Variants in PRPF40B observed in about 807,000 individuals in gnomAD.
The protein encoded by PRPF40B is pre-mRNA-processing factor 40 homolog B.
PRPF40B carries 56 observed loss-of-function variants against 124.5 expected under a neutral mutation model. The observed-to-expected ratio is 0.45, with a 90% CI of 0.36 to 0.56. PRPF40B has a LOEUF of 0.56. PRPF40B is among the 20% of genes least tolerant of loss of function. The probability of loss-of-function intolerance (pLI) is 0.00; values close to 1 mark genes in which losing one functional copy is unlikely to be tolerated. For synonymous variants in PRPF40B, 443 were observed against 426.4 expected (o/e 1.04, Z -0.48); for missense variants, 1,053 against 1,169.5 (o/e 0.90, Z 1.45).
intron 15 of PRPF40B, among the ~76,000 whole-genome samples, 158 bp downstream of exon 15, chr12:49,636,151 G>A (rs752289309): frequency 7.2e-5 from 11 of 152,074 alleles, no homozygotes; most frequent in Non-Finnish European, 1.2e-4. Flanking sequence ...TTTGGACTCC[G>A]GGGATACCAG....
chr12:49,633,834 G>A, intron 9 of PRPF40B, 52 bp from the exon 10 acceptor site: 1 of 1,610,126 alleles, frequency 6.2e-7, no homozygotes, highest in South Asian at 1.1e-5. Context: ...AGCCCCTGAA[G>A]TCCTCCATTC....
intron 18 of PRPF40B, chr12:49,638,149 C>A: frequency 3.7e-6 from 1 of 267,600 alleles, no homozygotes; most frequent in South Asian, 5.9e-5. Flanking sequence ...ACACGGGGTA[C>A]TAAGAGCAAA....
intron 12 of PRPF40B, 112 bp downstream of exon 12, chr12:49,634,714 T>G: frequency 2.2e-6 from 3 of 1,368,238 alleles, no homozygotes; most frequent in Non-Finnish European, 3.0e-6. Context: ...GTCAGGACAG[T>G]GATAGATTGG....
rs1941259304 is a variant in PRPF40B at position 49,631,890 on chromosome 12, G to A, written c.259G>A (p.Gly87Arg). 1 of 1,614,196 alleles carries A rather than the reference G, an allele frequency of 6.2e-7. No homozygotes were observed. Among genetic ancestry groups the A allele is most frequent in the Non-Finnish European group, 8.5e-7 (1 of 1,180,020 alleles). Residue 87 changes from glycine (G) to arginine (R), a missense_variant, in exon 4 of 26, where the codon GGA becomes AGA. Transcript: ENST00000548825. This position sits in a 1 kb window ranked among gnomAD's most constrained non-coding sequence, Gnocchi z 4.3. The stretch of plus-strand genomic sequence containing the variant: ...AGGAATGGTACCTCCGATGATGCCA[G>A]GAATGCTGATGCCAGCGGTGCCTGT... The part of the protein sequence containing the change: ...IPGMVPPMMP[G>R]MLMPAVPVTA...
intron 10 of PRPF40B, 41 bp downstream of exon 10, chr12:49,634,133 G>T: frequency 6.3e-7 from 1 of 1,599,278 alleles, no homozygotes. Context: ...GTTGGCCTCA[G>T]ACTCCCAGCC....
Position 49,635,558 on chromosome 12 carries a change from C to A in PRPF40B, c.1275+85C>A. The stretch of plus-strand genomic sequence containing the variant: ...CTTTGTTATGGACCCTCGCCATTTA[C>A]TTCTCTACTTCCCCAGTGTCCCAGC... On this transcript the variant is annotated intron_variant, in intron 14 of 25. Transcript: ENST00000548825. The surrounding 1 kb of genome is among the most constrained non-coding windows in gnomAD (Gnocchi z 4.1). 7.8e-7 allele frequency: 1 copy of A among 1,282,282 alleles called. No homozygotes were observed. Among genetic ancestry groups the A allele is most frequent in the Non-Finnish European group, 1.1e-6 (1 of 919,262 alleles). The allele number at this position is 1,282,282 out of a possible 1,614,324, so 79.4% of individuals were successfully genotyped here.
intron 23 of PRPF40B, 117 bp from the exon 24 acceptor site, chr12:49,643,574 T>TA (rs1190559825): frequency 2.9e-6 from 4 of 1,379,424 alleles, no homozygotes; most frequent in African/African-American, 1.5e-5. Context: ...AAACTGGACT[T>TA]AGACTTCCTC....
chr12:49,627,981 C>T (rs1436738601), intron 1 of PRPF40B, among the ~76,000 whole-genome samples: 1 of 152,150 alleles, frequency 6.6e-6, no homozygotes, highest in African/African-American at 2.4e-5. Flanking sequence ...GTGCCAGTCT[C>T]TGAGACGCTT....
chr12:49,643,240 A>G lies in PRPF40B; in HGVS notation c.2223A>G (p.Glu741=), dbSNP rs142161604. Residue 741 remains glutamate (E), a synonymous_variant, in exon 23 of 26, where the codon GAA becomes GAG. Transcript: ENST00000548825. ...CTGCCCAGGGCTCTGAGTCAGAAGA[A>G]GAGGAGCTGCCCCCACCATCTCTCC... ...SHSPSGSESE[E]EELPPPSLRP... 4.6e-5 allele frequency: 74 copies of G among 1,614,004 alleles called. No individual in the cohort carries two copies. The highest frequency in any genetic ancestry group is 5.9e-5 in the Non-Finnish European group (70 of 1,180,030).
rs1218275293 is a variant in PRPF40B at position 49,635,368 on chromosome 12, G to A, written c.1170G>A (p.Arg390=). 1.2e-6 allele frequency: 2 copies of A among 1,613,464 alleles called. No homozygotes were observed. The highest frequency in any genetic ancestry group is 1.3e-5 in the African/African-American group (1 of 74,996). Residue 390 remains arginine, a synonymous_variant, in exon 14 of 26, where the codon CGG becomes CGA. Coordinates refer to ENST00000548825, the MANE Select transcript of PRPF40B (RefSeq NM_001031698.3). This position sits in a 1 kb window ranked among gnomAD's most constrained non-coding sequence, Gnocchi z 4.1. ...TCACAGCTTATATGCTCCACAGGCG[G>A]GCAGAACAGACCTTTGGGGAGCTGG... The part of the protein sequence containing the change: ...ERMTSTTRYR[R]AEQTFGELEV...
Position 49,634,029 on chromosome 12 carries a change from T to G in PRPF40B, c.749T>G (p.Val250Gly), listed in dbSNP as rs773190145. The G allele has an allele frequency of 1.9e-6, 3 of 1,613,850 alleles. No homozygotes were observed. The highest frequency in any genetic ancestry group is 2.5e-6 in the Non-Finnish European group (3 of 1,179,930). The change falls in exon 10 of 26, where the codon GTG becomes GGG. Residue 250 changes from valine (V) to glycine (G), a missense_variant. Around this residue, in one of 2 missense-constraint regions of PRPF40B, gnomAD observed 895 missense variants for 1,052.2 expected, o/e 0.85. Transcript: ENST00000548825. ...CCAGGTGGGAGTGAAGATTGTGATG[T>G]GTTGGAGGCCACCCAGCCCCTGGAA... is the stretch of plus-strand genomic sequence containing the variant. ...PEPGGSEDCD[V>G]LEATQPLEQG...
intron 16 of PRPF40B, 174 bp from the exon 17 acceptor site, chr12:49,637,294 CTT>C (rs1274315464): frequency 9.9e-6 from 6 of 604,424 alleles, no homozygotes. Context: ...TACTTTCTCT[CTT>C]TTTGCATTGT....
At chr12:49,641,829 C>A in intron 18 of PRPF40B, 79 bp from the exon 19 acceptor site, 1 of 1,208,012 alleles carries the variant, frequency 8.3e-7, no homozygotes, top group Non-Finnish European at 1.2e-6. Flanking sequence ...TCTTGACCAT[C>A]TGTAATGTGA....
chr12:49,633,573 G>A (rs1259265901), intron 8 of PRPF40B, 26 bp downstream of exon 8: 2 of 1,614,132 alleles, frequency 1.2e-6, no homozygotes, highest in Non-Finnish European at 1.7e-6. Context: ...GGTGGGCCAG[G>A]TCAGGAGCTC....
intron 1 of PRPF40B, among the ~76,000 whole-genome samples, chr12:49,629,287 C>T (rs892772795): frequency 3.3e-5 from 5 of 152,142 alleles, no homozygotes; most frequent in African/African-American, 1.2e-4. Flanking sequence ...GAGATCATAT[C>T]GAGACAATAA....
Position 49,642,084 on chromosome 12 carries a change from T to C in PRPF40B, c.1884+60T>C, listed in dbSNP as rs1332281119. On this transcript the variant is annotated intron_variant, in intron 19 of 25. Coordinates refer to ENST00000548825, the MANE Select transcript of PRPF40B (RefSeq NM_001031698.3). The surrounding 1 kb of genome is among the most constrained non-coding windows in gnomAD (Gnocchi z 5.8). Reference sequence around the variant, plus strand: ...ATTCATCTGTGTCTTGCTCCATTCCTTCTCACTCACTGTCCCACTGACTAT... The same window carrying C: ...ATTCATCTGTGTCTTGCTCCATTCCCTCTCACTCACTGTCCCACTGACTAT... 12 of 1,605,244 alleles carry C rather than the reference T, an allele frequency of 7.5e-6. No homozygotes were observed. The highest frequency in any genetic ancestry group is 1.0e-5 in the Non-Finnish European group (12 of 1,174,528).
rs1456024638 is a variant in PRPF40B, at chr12:49,637,143, C to T, written c.1560+294C>T. On this transcript the variant is annotated intron_variant, in intron 16 of 25. Transcript: ENST00000548825. ...TGTTTATTTCCCTTGGTGGGGCACC[C>T]GACAGGCAGAGTTTATTCCCTCAGC... 14 of 573,820 alleles carry T rather than the reference C, an allele frequency of 2.4e-5. No homozygotes were observed. In the East Asian group the frequency reaches 2.9e-4, roughly 12 times the overall value. 35.5% of individuals were successfully genotyped at this position (573,820 alleles called of 1,614,324 possible).
chr12:49,641,738 T>C (rs960867511), intron 18 of PRPF40B, 170 bp from the exon 19 acceptor site: 32 of 602,896 alleles, frequency 5.3e-5, no homozygotes, highest in Non-Finnish European at 9.1e-5. Context: ...GGGGGCTTAA[T>C]TGTCAAGTGA....
At position 49,644,500 on chromosome 12, in the gene PRPF40B, C is replaced by A. The variant is rs1360322632; in HGVS notation, c.*308C>A. The A allele has an allele frequency of 7.7e-6, 3 of 389,686 alleles. No individual in the cohort carries two copies. The highest frequency in any genetic ancestry group is 1.5e-5 in the Non-Finnish European group (3 of 204,012). The allele number at this position is 389,686 out of a possible 1,614,324, so 24.1% of individuals were successfully genotyped here. A position where few individuals can be genotyped will look rare whatever the true frequency, so the allele number is the denominator to read the frequency against. On this transcript the variant is annotated 3_prime_UTR_variant, in exon 26 of 26. Coordinates refer to ENST00000548825, the MANE Select transcript of PRPF40B (RefSeq NM_001031698.3). ...GGGGTCTCCAGGGAAGAGTCACAGG[C>A]TGTTGGACGCAGCCTGGGTGGCAGA...
Sources: allele counts gnomAD v4.1 joint callset (sites outside exome capture counted in the v4.1 genomes callset), GRCh38; gene constraint gnomAD v4.1.1; regional missense constraint gnomAD v4.1.1; non-coding constraint Gnocchi (gnomAD v3.1); transcripts MANE v1.5; gene names NCBI Gene and HGNC (gene_info 2026-07-23, HGNC 2026-07-21).